The following FARP1 variants were observed in gnomAD, a reference collection of about 807,000 sequenced individuals.
FARP1 encodes the protein FERM, ARH/RhoGEF and pleckstrin domain protein 1.
A neutral mutation model predicts 128.8 loss-of-function variants in FARP1; 52 were observed. The ratio of observed to expected loss-of-function variants is 0.40; its 90% CI spans 0.32 to 0.51. The LOEUF (loss-of-function observed/expected upper bound fraction) is 0.51, where lower values mean the gene tolerates loss of function less well. FARP1 is among the 20% of genes least tolerant of loss of function. FARP1 has a pLI of 0.45. For synonymous variants in FARP1, 580 were observed against 551.8 expected, an observed-to-expected ratio of 1.05 and a Z score of -0.72; for missense variants, 1,333 against 1,367.9, an observed-to-expected ratio of 0.97 and a Z score of 0.40.
chr13:98,368,211 A>T lies in FARP1; in HGVS notation c.398+16A>T. ...AACTCACAAGGTTAGTGGTTTGGAA[A>T]CTGTGTATTTTTTGCTACAGAGTAC... On this transcript the variant is annotated intron_variant, in intron 5 of 26. Transcript: ENST00000319562. The T allele has an allele frequency of 6.2e-7, 1 of 1,600,554 alleles. No homozygotes were observed.
rs1875220136 is a variant in FARP1, at chr13:98,143,443, C to CGGAGCCCGAGCCGGGAGAG, written c.-66_-48dup. The CGGAGCCCGAGCCGGGAGAG allele has an allele frequency of 6.6e-6, 1 of 150,410 alleles. No individual in the cohort carries two copies. Among genetic ancestry groups the CGGAGCCCGAGCCGGGAGAG allele is most frequent in the African/African-American group, 2.4e-5 (1 of 41,230 alleles). 9.3% of individuals were successfully genotyped at this position (150,410 alleles called of 1,614,324 possible). On this transcript the variant is annotated 5_prime_UTR_variant, in exon 1 of 27. Transcript: ENST00000319562. ...CCGGGGGCTTGGGAGCCGCCGATCC[C>CGGAGCCCGAGCCGGGAGAG]GGAGCCCGAGCCGGGAGAGGGAGCC...
At chr13:98,286,659 C>A (rs1287509297) in intron 2 of FARP1, among the ~76,000 whole-genome samples, 1 of 152,142 alleles carries the variant, frequency 6.6e-6, no homozygotes, top group African/African-American at 2.4e-5. Context: ...TTCCCTTTAT[C>A]AGCAGCGTGA....
At chr13:98,448,132 C>A in intron 26 of FARP1, 104 bp from the exon 27 acceptor site, 1 of 942,390 alleles carries the variant, frequency 1.1e-6, no homozygotes, top group Non-Finnish European at 1.7e-6. Context: ...AGATTACCAA[C>A]CAGGCGGCCT....
chr13:98,262,092 T>G (rs1218671762), intron 2 of FARP1, among the ~76,000 whole-genome samples: 2 of 144,048 alleles, frequency 1.4e-5, no homozygotes, highest in Admixed American at 1.4e-4. Context: ...CTCAGCTCAC[T>G]GCAACCTCCA....
At chr13:98,185,587 G>T (rs1878806300) in intron 1 of FARP1, among the ~76,000 whole-genome samples, 1 of 151,892 alleles carries the variant, frequency 6.6e-6, no homozygotes, top group African/African-American at 2.4e-5. Context: ...CTGGGAAGCA[G>T]CATAGGTTCC....
rs180911114 is a variant in FARP1, at chr13:98,280,274, C to G, written c.172-63488C>G. Among the ~76,000 whole-genome samples the G allele has an allele frequency of 1.2e-4, 19 of 152,348 alleles. No homozygotes were observed. In the East Asian group the frequency reaches 2.5e-3, roughly 20 times the overall value. On this transcript the variant is annotated intron_variant, in intron 2 of 26. Transcript: ENST00000319562. ...CGGGATCAATTCCCCCATGCCCTCCCCCTCCACACCCAGCATCAGCTGGTT... is the reference window on the plus strand; with the variant it reads ...CGGGATCAATTCCCCCATGCCCTCCGCCTCCACACCCAGCATCAGCTGGTT...
At chr13:98,200,479 C>G (rs1879871166) in intron 1 of FARP1, among the ~76,000 whole-genome samples, 1 of 146,520 alleles carries the variant, frequency 6.8e-6, no homozygotes, top group South Asian at 2.2e-4. Flanking sequence ...GATGTGGATG[C>G]TGATTTGTGG....
chr13:98,268,553 C>T lies in FARP1; in HGVS notation c.171+55140C>T, dbSNP rs1379394528. Among the ~76,000 whole-genome samples, 4 of 152,186 alleles carry T rather than the reference C, an allele frequency of 2.6e-5. No individual in the cohort carries two copies. The East Asian group carries it at 5.8e-4, about 22-fold the overall frequency. On this transcript the variant is annotated intron_variant, in intron 2 of 26. Coordinates refer to ENST00000319562, the MANE Select transcript of FARP1 (RefSeq NM_005766.4). The stretch of plus-strand genomic sequence containing the variant: ...CGCGATCTCAGCTCACTGCAACCTC[C>T]ACCTCCTGGGTTCAAATGATTCTCC...
At chr13:98,182,639 A>G (rs1878613965) in intron 1 of FARP1, among the ~76,000 whole-genome samples, 1 of 152,164 alleles carries the variant, frequency 6.6e-6, no homozygotes, top group Non-Finnish European at 1.5e-5. Flanking sequence ...CAGCCACATT[A>G]TTTTATTTAG....
chr13:98,292,130 T>G (rs1176975140), intron 2 of FARP1, among the ~76,000 whole-genome samples: 5 of 152,216 alleles, frequency 3.3e-5, no homozygotes, highest in African/African-American at 1.2e-4. Context: ...CCCTTAAGTG[T>G]GTTGTTCTGG....
chr13:98,446,064 C>G, intron 24 of FARP1, 34 bp from the exon 25 acceptor site: 17 of 1,466,388 alleles, frequency 1.2e-5, no homozygotes, highest in Non-Finnish European at 1.6e-5. Context: ...GGCAGGTGCC[C>G]GCTGTGCTTC....
At chr13:98,340,067 C>T (rs1594421081) in intron 2 of FARP1, among the ~76,000 whole-genome samples, 1 of 150,920 alleles carries the variant, frequency 6.6e-6, no homozygotes, top group Admixed American at 6.6e-5. Context: ...ATAAAGACAT[C>T]CACTGTATAT....
intron 2 of FARP1, among the ~76,000 whole-genome samples, chr13:98,308,539 A>C (rs1266536213): frequency 6.6e-6 from 1 of 152,234 alleles, no homozygotes; most frequent in South Asian, 2.1e-4. Flanking sequence ...CACCTGAGAC[A>C]TGGCTCCTCC....
chr13:98,379,220 T>C (rs1889792416), intron 6 of FARP1, among the ~76,000 whole-genome samples: 1 of 128,890 alleles, frequency 7.8e-6, no homozygotes, highest in Non-Finnish European at 1.6e-5. Flanking sequence ...ATATAATATA[T>C]AATCTATCTA....
At chr13:98,308,031 CTCTTTTTTTTTTTTT>C (rs1886258907) in intron 2 of FARP1, among the ~76,000 whole-genome samples, 7 of 10,486 alleles carry the variant, frequency 6.7e-4, no homozygotes, top group Admixed American at 1.9e-3. Flanking sequence ...CCCACTCTCT[CTCTTTTTTTTTTTTT>C]TTTTTTTTTT....
chr13:98,191,584 T>C (rs1879229479), intron 1 of FARP1, among the ~76,000 whole-genome samples: 1 of 152,256 alleles, frequency 6.6e-6, no homozygotes, highest in African/African-American at 2.4e-5. Context: ...ACTATGCTTC[T>C]TCATTTTATT....
chr13:98,300,864 T>C (rs1017674930), intron 2 of FARP1, among the ~76,000 whole-genome samples: 2 of 151,534 alleles, frequency 1.3e-5, no homozygotes, highest in African/African-American at 4.8e-5. Flanking sequence ...ACTTGGGGGC[T>C]CCATGGCCTT....
intron 1 of FARP1, among the ~76,000 whole-genome samples, chr13:98,162,738 A>G (rs1240692846): frequency 1.3e-5 from 2 of 152,230 alleles, no homozygotes; most frequent in Admixed American, 1.3e-4. Flanking sequence ...TGGTAAAGTT[A>G]GAGATGCTCT....
chr13:98,252,567 C>T (rs1012092514), intron 2 of FARP1, among the ~76,000 whole-genome samples: 1 of 152,192 alleles, frequency 6.6e-6, no homozygotes, highest in African/African-American at 2.4e-5. Context: ...CTGGCTTGAC[C>T]CTCATGGATG....
Sources: gnomAD v4.1 joint callset for allele counts (sites outside exome capture counted in the v4.1 genomes callset) on GRCh38, gnomAD v4.1.1 for gene constraint, MANE v1.5 for transcripts, NCBI Gene and HGNC (gene_info 2026-07-23, HGNC 2026-07-21) for gene names.